HEPH: variants seen among roughly 807,000 people sequenced by gnomAD.
HEPH encodes the protein hephaestin.
HEPH carries 69 observed loss-of-function variants against 80.8 expected under a neutral mutation model. The ratio of observed to expected loss-of-function variants is 0.85; its 90% CI spans 0.70 to 1.04. The LOEUF (loss-of-function observed/expected upper bound fraction) is 1.04. Among genes scored for constraint, HEPH ranks in the 50% least tolerant of loss-of-function variants. HEPH has a pLI of 0.00. For missense variants in HEPH, 1,115 were observed against 891.3 expected (o/e 1.25, Z -3.20); for synonymous variants, 431 against 322.8 (o/e 1.34, Z -3.60).
chrX:66,260,314 A>G, intron 19 of HEPH, 52 bp downstream of exon 19: 4 of 1,044,863 alleles, frequency 3.8e-6, no homozygotes, highest in Non-Finnish European at 4.0e-6. Flanking sequence ...TATCTAGCCT[A>G]TAGGAAGCAG....
intron 4 of HEPH, among the ~76,000 whole-genome samples, chrX:66,187,766 C>G (rs192461098): frequency 8.9e-6 from 1 of 111,781 alleles, no homozygotes; most frequent in East Asian, 2.8e-4. Flanking sequence ...CCTCCACATG[C>G]TGCTCTGTCC....
chrX:66,245,227 G>A (rs919624303), intron 15 of HEPH, among the ~76,000 whole-genome samples: 1 of 110,973 alleles, frequency 9.0e-6, no homozygotes, highest in Non-Finnish European at 1.9e-5. Context: ...GCTGTATTCA[G>A]GAAACCCATC....
downstream of HEPH, chrX:66,267,646 T>G (rs2091573388): frequency 9.0e-6 from 1 of 111,246 alleles, no homozygotes; most frequent in Non-Finnish European, 1.9e-5. Context: ...GAAATAGAAG[T>G]CTGAGACGAG....
intron 4 of HEPH, among the ~76,000 whole-genome samples, chrX:66,187,297 C>T (rs2087512821): frequency 9.0e-6 from 1 of 110,648 alleles, no homozygotes; most frequent in Non-Finnish European, 1.9e-5. Flanking sequence ...TGCTGGTGAG[C>T]TAGTGTGATT....
chrX:66,247,737 C>T (rs1188891124), intron 15 of HEPH, among the ~76,000 whole-genome samples: 1 of 111,055 alleles, frequency 9.0e-6, no homozygotes, highest in Non-Finnish European at 1.9e-5. Flanking sequence ...TTTCTCAAGG[C>T]TTGTTTTAAA....
At chrX:66,200,839 A>AAATAATAG (rs1342472205) in intron 12 of HEPH, 87 bp downstream of exon 12, 4 of 703,119 alleles carry the variant, frequency 5.7e-6, no homozygotes, top group Non-Finnish European at 8.6e-6. Context: ...GGTGAAGAGA[A>AAATAATAG]AATAATAGGC....
At chrX:66,253,695 T>C (rs2091078550) in intron 15 of HEPH, among the ~76,000 whole-genome samples, 1 of 112,226 alleles carries the variant, frequency 8.9e-6, no homozygotes, top group African/African-American at 3.2e-5. Context: ...GACCCAAATG[T>C]TCATCAACTG....
rs906593963 is a variant in HEPH at position 66,176,224 on chromosome X, T to C, written c.625+2423T>C. Among the ~76,000 whole-genome samples, 3 of 112,336 alleles carry C rather than the reference T, an allele frequency of 2.7e-5. No homozygotes were observed. In the Admixed American group the frequency reaches 2.8e-4, roughly 11 times the overall value. ...ATTTTGCTGAGAGTTTTAATCATAA[T>C]GTAATGTTGGATTTTGTTGAATGCA... On this transcript the variant is annotated intron_variant, in intron 4 of 20. Transcript: ENST00000343002.
Position 66,164,320 on chromosome X carries a change from C to A in HEPH, c.-164C>A, listed in dbSNP as rs762900573. The stretch of plus-strand genomic sequence containing the variant: ...TCCCTCATCCTCCCATCCCAGTAAA[C>A]CCTGCCAAATTGGAATCCTGGACTT... On this transcript the variant is annotated 5_prime_UTR_variant, in exon 1 of 21. Coordinates refer to ENST00000343002, the MANE Select transcript of HEPH (RefSeq NM_001367233.3). 45 of 751,696 alleles carry A rather than the reference C, an allele frequency of 6.0e-5. No individual in the cohort carries two copies. Among genetic ancestry groups the A allele is most frequent in the East Asian group, 1.5e-4 (1 of 6,595 alleles). 61.9% of individuals were successfully genotyped at this position (751,696 alleles called of 1,213,427 possible). A position where few individuals can be genotyped will look rare whatever the true frequency, so the allele number is the denominator to read the frequency against.
At chrX:66,251,274 C>T (rs1359880244) in intron 15 of HEPH, among the ~76,000 whole-genome samples, 1 of 111,927 alleles carries the variant, frequency 8.9e-6, no homozygotes, top group Non-Finnish European at 1.9e-5. Context: ...TAAGGAACTG[C>T]CAAACTTTTT....
intron 6 of HEPH, among the ~76,000 whole-genome samples, 167 bp from the exon 7 acceptor site, chrX:66,191,963 C>T (rs1489700609): frequency 9.0e-6 from 1 of 111,604 alleles, no homozygotes; most frequent in Non-Finnish European, 1.9e-5. Flanking sequence ...GACTCTCTCT[C>T]TCAGCCATGC....
chrX:66,233,933 G>A (rs1414475885), intron 15 of HEPH, among the ~76,000 whole-genome samples: 2 of 109,863 alleles, frequency 1.8e-5, no homozygotes, highest in African/African-American at 6.6e-5. Context: ...TTTAAGTTCA[G>A]GGGTACATGT....
intron 4 of HEPH, among the ~76,000 whole-genome samples, chrX:66,187,713 G>A (rs1259913410): frequency 9.0e-6 from 1 of 111,130 alleles, no homozygotes; most frequent in East Asian, 2.8e-4. Flanking sequence ...GGGATTCCTG[G>A]TGTGTTCATG....
chrX:66,189,974 A>C (rs368681233), intron 6 of HEPH, 36 bp downstream of exon 6: 11 of 1,141,428 alleles, frequency 9.6e-6, no homozygotes, highest in Non-Finnish European at 1.2e-5. Context: ...GGGTTGTAAG[A>C]GAGAGGTATG....
intron 4 of HEPH, among the ~76,000 whole-genome samples, chrX:66,175,033 G>C (rs1989028): frequency 0.39 from 43,322 of 110,149 alleles, 9,629 homozygotes; most frequent in African/African-American, 0.86. Flanking sequence ...TAAGTCCCAA[G>C]TGTTTGTTTT....
At chrX:66,175,238 A>T (rs761922070) in intron 4 of HEPH, among the ~76,000 whole-genome samples, 1 of 112,094 alleles carries the variant, frequency 8.9e-6, no homozygotes, top group South Asian at 3.7e-4. Context: ...CTAGCCAATT[A>T]TCTCAGTACC....
At chrX:66,196,963 T>A (rs1410805900) in intron 9 of HEPH, among the ~76,000 whole-genome samples, 1 of 110,060 alleles carries the variant, frequency 9.1e-6, no homozygotes, top group African/African-American at 3.3e-5. Flanking sequence ...TTACACTCTT[T>A]ATAGGTGAGT....
upstream of HEPH, among the ~76,000 whole-genome samples, chrX:66,163,629 G>C (rs1189047949): frequency 9.0e-6 from 1 of 111,233 alleles, no homozygotes; most frequent in Non-Finnish European, 1.9e-5. Flanking sequence ...TGAAAGTACT[G>C]TGTTTCTCCC....
intron 13 of HEPH, among the ~76,000 whole-genome samples, chrX:66,204,831 G>A (rs963423098): frequency 9.0e-6 from 1 of 111,691 alleles, no homozygotes; most frequent in Non-Finnish European, 1.9e-5. Flanking sequence ...AAAAGAAAAA[G>A]GAAAAGAGAT....
Sources: gnomAD v4.1 joint callset for allele counts (sites outside exome capture counted in the v4.1 genomes callset) on GRCh38, gnomAD v4.1.1 for gene constraint, MANE v1.5 for transcripts, NCBI Gene and HGNC (gene_info 2026-07-23, HGNC 2026-07-21) for gene names.